Variants in CAPN2 observed in about 807,000 individuals in gnomAD.
CAPN2 encodes calpain 2, also known as calpain-2 catalytic subunit.
CAPN2 carries 92 observed loss-of-function variants against 102.3 expected under a neutral mutation model. That is an observed-to-expected ratio of 0.90 (90% CI 0.76 to 1.07). The LOEUF (loss-of-function observed/expected upper bound fraction) is 1.07. Ranked by LOEUF, CAPN2 falls within the 50% of genes least tolerant of loss-of-function variation. The pLI, the probability that CAPN2 is intolerant of heterozygous loss-of-function variation, is 0.00. For missense variants in CAPN2, 800 were observed against 909.4 expected (o/e 0.88, Z 1.55); for synonymous variants, 340 against 355.4 (o/e 0.96, Z 0.49).
chr1:223,709,241 G>C (rs561911349), upstream of CAPN2, among the ~76,000 whole-genome samples: 1 of 152,180 alleles, frequency 6.6e-6, no homozygotes, highest in Non-Finnish European at 1.5e-5. Context: ...TCAAGCAAAG[G>C]GGGTAAGCAA....
In CAPN2 at chr1:223,771,726, A is replaced by C. The variant is rs1661475028; in HGVS notation, c.1904-83A>C. 3 of 863,274 alleles carry C rather than the reference A, an allele frequency of 3.5e-6. No individual in the cohort carries two copies. In the Admixed American group the frequency reaches 5.5e-5, roughly 16 times the overall value. The allele number at this position is 863,274 out of a possible 1,614,324, so 53.5% of individuals were successfully genotyped here. On this transcript the variant is annotated intron_variant, in intron 18 of 20. Coordinates refer to ENST00000295006, the MANE Select transcript of CAPN2 (RefSeq NM_001748.5). The stretch of plus-strand genomic sequence containing the variant: ...GCAATTATACCTCATTTAAATCACC[A>C]CATTAGTTTCATAGCCTGTGAGCGC...
At chr1:223,766,582 CCCTT>C (rs764053173) in intron 16 of CAPN2, 151 bp downstream of exon 16, 56 of 647,934 alleles carry the variant, frequency 8.6e-5, no homozygotes, top group Non-Finnish European at 1.3e-4. Flanking sequence ...GCGCTGACCT[CCCTT>C]ACTAGGGAAA....
At chr1:223,743,631 T>C (rs1290821281) in intron 2 of CAPN2, among the ~76,000 whole-genome samples, 1 of 152,136 alleles carries the variant, frequency 6.6e-6, no homozygotes, top group African/African-American at 2.4e-5. Flanking sequence ...ATTCGTATTA[T>C]AGCTGGGACT....
At position 223,755,677 on chromosome 1, in the gene CAPN2, C is replaced by G. The variant is rs373374662; in HGVS notation, c.1305+28C>G. 3.9e-6 allele frequency: 6 copies of G among 1,531,488 alleles called. No individual in the cohort carries two copies. The Admixed American group carries it at 1.2e-4, about 30-fold the overall frequency. The allele number at this position is 1,531,488 out of a possible 1,614,324, so 94.9% of individuals were successfully genotyped here. On this transcript the variant is annotated intron_variant, in intron 10 of 20. Coordinates refer to ENST00000295006, the MANE Select transcript of CAPN2 (RefSeq NM_001748.5). This position sits in a 1 kb window ranked among gnomAD's most constrained non-coding sequence, Gnocchi z 4.1. ...GCAGAGCGCAGGGGCTCCTGCCCTC[C>G]CTTCCCCATGTGTTCATCTCAGCCC... is the stretch of plus-strand genomic sequence containing the variant.
At position 223,772,203 on chromosome 1, in the gene CAPN2, C is replaced by A. The variant is rs372396856; in HGVS notation, c.2043C>A (p.Pro681=). The A allele has an allele frequency of 6.2e-7, 1 of 1,614,038 alleles. No homozygotes were observed. The highest frequency in any genetic ancestry group is 1.7e-5 in the Admixed American group (1 of 60,000). The change falls in exon 20 of 21, where the codon CCC becomes CCA. Residue 681 remains proline, a synonymous_variant. Transcript: ENST00000295006. ...TLFKIFKQLD[P]ENTGTIELDL... The stretch of plus-strand genomic sequence containing the variant: ...CAGAGATATTTAAGCAGCTGGATCC[C>A]GAGAATACTGGAACAATAGAGCTCG...
rs936754604 is a variant in CAPN2, at chr1:223,725,503, C to T, written c.307+7672C>T. On this transcript the variant is annotated intron_variant, in intron 2 of 20. Coordinates refer to ENST00000295006, the MANE Select transcript of CAPN2 (RefSeq NM_001748.5). The surrounding 1 kb of genome is among the most constrained non-coding windows in gnomAD (Gnocchi z 4.1). Reference sequence around the variant, plus strand: ...AAAGGTTTAATCCATGCAGATTGCACGTTCTCTTTGGGGACAGTACAGCTG... The same window carrying T: ...AAAGGTTTAATCCATGCAGATTGCATGTTCTCTTTGGGGACAGTACAGCTG... Among the ~76,000 whole-genome samples the T allele has an allele frequency of 6.6e-6, 1 of 152,170 alleles. No individual in the cohort carries two copies. The highest frequency in any genetic ancestry group is 6.5e-5 in the Admixed American group (1 of 15,278).
At position 223,763,218 on chromosome 1, in the gene CAPN2, A is replaced by C. The variant is rs28370134; in HGVS notation, c.1633-932A>C. On this transcript the variant is annotated intron_variant, in intron 14 of 20. Coordinates refer to ENST00000295006, the MANE Select transcript of CAPN2 (RefSeq NM_001748.5). ...CCAACAACTCCAAAAAAAAAAAAAA[A>C]GTCCTCTTTCTTCACTATGTGGAGG... Among the ~76,000 whole-genome samples the C allele has an allele frequency of 9.3e-3, 1,417 of 151,864 alleles. 11 individuals carry two copies. Among genetic ancestry groups the C allele is most frequent in the Non-Finnish European group, 0.015 (995 of 67,974 alleles).
At chr1:223,738,525 A>G (rs1024962061) in intron 2 of CAPN2, among the ~76,000 whole-genome samples, 4 of 152,214 alleles carry the variant, frequency 2.6e-5, no homozygotes, top group Non-Finnish European at 5.9e-5. Flanking sequence ...TTAAGAGGAC[A>G]TGGCATTTTT....
At chr1:223,757,346 A>T in intron 10 of CAPN2, 23 bp from the exon 11 acceptor site, 1 of 1,614,134 alleles carries the variant, frequency 6.2e-7, no homozygotes, top group Middle Eastern at 1.7e-4. Flanking sequence ...CGGCATCTGA[A>T]TTGCATCTCC....
intron 2 of CAPN2, among the ~76,000 whole-genome samples, chr1:223,739,279 G>A (rs144796940): frequency 6.6e-6 from 1 of 151,414 alleles, no homozygotes; most frequent in African/African-American, 2.4e-5. Context: ...CACCTCCCAG[G>A]TTCAAGTGAT....
rs1046036390 is a variant in CAPN2, at chr1:223,756,684, G to T, written c.1306-685G>T. ...CTGACTTCTACCTGCTCACCCACCT[G>T]AGAAAGGCAGCTGGGCAAATACCAT... On this transcript the variant is annotated intron_variant, in intron 10 of 20. Coordinates refer to ENST00000295006, the MANE Select transcript of CAPN2 (RefSeq NM_001748.5). This position sits in a 1 kb window ranked among gnomAD's most constrained non-coding sequence, Gnocchi z 4.1. Among the ~76,000 whole-genome samples, 3 of 152,204 alleles carry T rather than the reference G, an allele frequency of 2.0e-5. No homozygotes were observed. Among genetic ancestry groups the T allele is most frequent in the African/African-American group, 7.2e-5 (3 of 41,434 alleles).
At chr1:223,702,031 A>AGGG (rs1553343447) in intron 1 of CAPN2, among the ~76,000 whole-genome samples, 1 of 62,758 alleles carries the variant, frequency 1.6e-5, no homozygotes, top group African/African-American at 5.5e-5. Flanking sequence ...AGAGGGAAGG[A>AGGG]AGGGAGGGAG....
At chr1:223,715,900 G>A (rs1659862431) in intron 1 of CAPN2, among the ~76,000 whole-genome samples, 1 of 152,146 alleles carries the variant, frequency 6.6e-6, no homozygotes, top group African/African-American at 2.4e-5. Flanking sequence ...TGGAGTGCTT[G>A]CCAGGGCATG....
At chr1:223,746,858 G>C (rs1660762426) in intron 4 of CAPN2, 139 bp from the exon 5 acceptor site, 1 of 620,852 alleles carries the variant, frequency 1.6e-6, no homozygotes, top group East Asian at 2.9e-5. Flanking sequence ...AGCACCCCGA[G>C]CTGGGAACAA....
chr1:223,767,199 A>ATTTT (rs1661359927), intron 16 of CAPN2, among the ~76,000 whole-genome samples: 1 of 124,882 alleles, frequency 8.0e-6, no homozygotes, highest in African/African-American at 3.2e-5. Flanking sequence ...TTTATTTTTT[A>ATTTT]TTATTATACT....
intron 11 of CAPN2, chr1:223,758,487 G>C (rs1661094972): frequency 6.6e-6 from 1 of 152,172 alleles, no homozygotes; most frequent in Admixed American, 6.5e-5. Flanking sequence ...TGCTTTTATA[G>C]TGCATCATAC....
intron 2 of CAPN2, among the ~76,000 whole-genome samples, chr1:223,724,968 T>C (rs1156480308): frequency 6.6e-6 from 1 of 152,272 alleles, no homozygotes; most frequent in South Asian, 2.1e-4. Context: ...AGTGAGACCT[T>C]GTCTCAAAAC....
At chr1:223,722,290 T>C (rs1040074103) in intron 2 of CAPN2, among the ~76,000 whole-genome samples, 1 of 96,596 alleles carries the variant, frequency 1.0e-5, no homozygotes, top group African/African-American at 4.1e-5. Flanking sequence ...TCTTTTTTTT[T>C]TTTTTTTTTT....
rs115070130 is a variant in CAPN2 at position 223,727,671 on chromosome 1, G to T, written c.307+9840G>T. On this transcript the variant is annotated intron_variant, in intron 2 of 20. Transcript: ENST00000295006. This position sits in a 1 kb window ranked among gnomAD's most constrained non-coding sequence, Gnocchi z 4.1. Reference sequence around the variant, plus strand: ...AGCATTGCTTCAATCTAATCCAGCCGCAAGTATGAGTAAATACTGTAGGAA... The same window carrying T: ...AGCATTGCTTCAATCTAATCCAGCCTCAAGTATGAGTAAATACTGTAGGAA... Among the ~76,000 whole-genome samples the T allele has an allele frequency of 6.6e-6, 1 of 152,148 alleles. No individual in the cohort carries two copies. Among genetic ancestry groups the T allele is most frequent in the Non-Finnish European group, 1.5e-5 (1 of 68,030 alleles).
Sources: allele counts gnomAD v4.1 joint callset (sites outside exome capture counted in the v4.1 genomes callset), GRCh38; gene constraint gnomAD v4.1.1; non-coding constraint Gnocchi (gnomAD v3.1); transcripts MANE v1.5; gene names NCBI Gene and HGNC (gene_info 2026-07-23, HGNC 2026-07-21).